TTC39C: variants seen among roughly 807,000 people sequenced by gnomAD.
TTC39C encodes tetratricopeptide repeat protein 39C.
TTC39C carries 33 observed loss-of-function variants against 76.3 expected under a neutral mutation model. That is an observed-to-expected ratio of 0.43 (90% CI 0.33 to 0.58). The LOEUF (loss-of-function observed/expected upper bound fraction) is 0.58. TTC39C is among the 20% of genes least tolerant of loss of function. The pLI, the probability that TTC39C is intolerant of heterozygous loss-of-function variation, is 0.04. For synonymous variants in TTC39C, 254 were observed against 260.6 expected (o/e 0.97, Z 0.24); for missense variants, 595 against 701.4 (o/e 0.85, Z 1.71).
chr18:24,089,680 A>G (rs539403788), intron 6 of TTC39C, among the ~76,000 whole-genome samples: 1 of 152,280 alleles, frequency 6.6e-6, no homozygotes, highest in African/African-American at 2.4e-5. Context: ...TTATATCCCT[A>G]AGCTTATTAT....
At position 24,016,563 on chromosome 18, in the gene TTC39C, T is replaced by C. The variant is rs2083456820; in HGVS notation, c.167+1525T>C. Reference sequence around the variant, plus strand: ...AAGTCTCCTGTGATATTTATTTTAATGGTCTTTTTTAACCCTTCTTTAGTA... The same window carrying C: ...AAGTCTCCTGTGATATTTATTTTAACGGTCTTTTTTAACCCTTCTTTAGTA... On this transcript the variant is annotated intron_variant, in intron 1 of 13. Transcript: ENST00000317571. 7 of 397,096 alleles carry C rather than the reference T, an allele frequency of 1.8e-5. No individual in the cohort carries two copies. The South Asian group carries it at 9.5e-4, about 54-fold the overall frequency. 24.6% of individuals were successfully genotyped at this position (397,096 alleles called of 1,614,324 possible).
Position 24,134,257 on chromosome 18 carries a change from G to GTTGTTTTTTTTTTTTTTTTTT in TTC39C, c.*1685_*1686insGTTTTTTTTTTTTTTTTTTTT, listed in dbSNP as rs1555779358. 1.2e-4 allele frequency: 6 copies of GTTGTTTTTTTTTTTTTTTTTT among 48,688 alleles called. 3 individuals carry two copies. Among genetic ancestry groups the GTTGTTTTTTTTTTTTTTTTTT allele is most frequent in the African/African-American group, 2.4e-4 (4 of 16,714 alleles). The allele number at this position is 48,688 out of a possible 1,614,324, so 3.0% of individuals were successfully genotyped here. ...TGGTGCCCAAAAATATTGGACATCT[G>GTTGTTTTTTTTTTTTTTTTTT]TTTTTTGTTTTTTTTTTTTTTTTTT... On this transcript the variant is annotated 3_prime_UTR_variant, in exon 14 of 14. Transcript: ENST00000317571.
intron 6 of TTC39C, among the ~76,000 whole-genome samples, chr18:24,105,398 A>G (rs2084734168): frequency 6.6e-6 from 1 of 152,232 alleles, no homozygotes; most frequent in South Asian, 2.1e-4. Context: ...ATGGCTGATC[A>G]TCGGGTATTT....
intron 1 of TTC39C, among the ~76,000 whole-genome samples, chr18:24,017,773 C>CT: frequency 6.6e-6 from 1 of 152,308 alleles, no homozygotes; most frequent in East Asian, 1.9e-4. Context: ...TCTCTGTCTC[C>CT]TTTTTTAATG....
intron 8 of TTC39C, among the ~76,000 whole-genome samples, chr18:24,122,412 G>A (rs2084978523): frequency 7.3e-6 from 1 of 136,326 alleles, no homozygotes; most frequent in East Asian, 2.3e-4. Context: ...TGAGGCAGGA[G>A]AATTGCTTGA....
chr18:24,084,929 T>C (rs1270434663), intron 6 of TTC39C, among the ~76,000 whole-genome samples: 1 of 152,206 alleles, frequency 6.6e-6, no homozygotes, highest in Middle Eastern at 3.2e-3. Context: ...CCTCCCAAAG[T>C]GCTGAGATTA....
intron 1 of TTC39C, among the ~76,000 whole-genome samples, chr18:24,063,516 T>TA (rs1299992375): frequency 6.7e-6 from 1 of 148,348 alleles, no homozygotes; most frequent in Non-Finnish European, 1.5e-5. Flanking sequence ...GTTTCTACCT[T>TA]TTTTTTTTTT....
chr18:24,018,801 TG>T (rs2083486020), intron 1 of TTC39C, among the ~76,000 whole-genome samples: 1 of 152,040 alleles, frequency 6.6e-6, no homozygotes, highest in African/African-American at 2.4e-5. Flanking sequence ...AGACATGAAA[TG>T]ACATTGGGAA....
intron 1 of TTC39C, among the ~76,000 whole-genome samples, chr18:24,051,706 C>G (rs2083951460): frequency 6.6e-6 from 1 of 152,196 alleles, no homozygotes; most frequent in Admixed American, 6.5e-5. Context: ...GTGAATTTCC[C>G]CACAGCTATC....
At chr18:24,065,299 A>G (rs117282162) in intron 2 of TTC39C, among the ~76,000 whole-genome samples, 4,618 of 152,342 alleles carry the variant, frequency 0.03, 102 homozygotes, top group Admixed American at 0.067. Flanking sequence ...CAGTAGGTTC[A>G]TCAGGTCCTT....
At chr18:24,096,530 C>T (rs977761276) in intron 6 of TTC39C, among the ~76,000 whole-genome samples, 8 of 152,064 alleles carry the variant, frequency 5.3e-5, no homozygotes, top group African/African-American at 1.7e-4. Context: ...AAATTGTAAA[C>T]GGATGTTTAA....
intron 1 of TTC39C, among the ~76,000 whole-genome samples, chr18:24,045,897 A>ATATATATATATATGTATATGTATATG (rs2083863793): frequency 4.8e-5 from 2 of 41,430 alleles, no homozygotes; most frequent in African/African-American, 1.3e-4. Context: ...GTGAAAATAT[A>ATATATATATATATGTATATGTATATG]TATATATATA....
At chr18:24,063,851 T>C (rs577741021) in intron 1 of TTC39C, among the ~76,000 whole-genome samples, 1 of 152,216 alleles carries the variant, frequency 6.6e-6, no homozygotes, top group East Asian at 1.9e-4. Context: ...GTCAACTCTT[T>C]AACAGCCACA....
At chr18:24,065,494 G>A (rs1412647125) in intron 2 of TTC39C, among the ~76,000 whole-genome samples, 1 of 152,174 alleles carries the variant, frequency 6.6e-6, no homozygotes, top group African/African-American at 2.4e-5. Context: ...AAGCTGTCAT[G>A]GAATTTTTAA....
At chr18:24,001,267 C>A (rs2083308707) in intron 1 of TTC39C, among the ~76,000 whole-genome samples, 2 of 152,200 alleles carry the variant, frequency 1.3e-5, no homozygotes, top group Admixed American at 1.3e-4. Flanking sequence ...CTTACCTGCC[C>A]AGGCCCCAGG....
At chr18:24,002,402 A>T (rs949829397) in intron 1 of TTC39C, among the ~76,000 whole-genome samples, 2 of 152,214 alleles carry the variant, frequency 1.3e-5, no homozygotes, top group South Asian at 4.1e-4. Flanking sequence ...ATCTCTAGTG[A>T]TGGTTACTTG....
At chr18:24,015,700 CA>C (rs1256632486) in intron 1 of TTC39C, among the ~76,000 whole-genome samples, 4 of 152,160 alleles carry the variant, frequency 2.6e-5, no homozygotes, top group African/African-American at 9.6e-5. Flanking sequence ...AGAATTTTTC[CA>C]ACGTAAATAA....
chr18:24,000,166 C>T (rs546096664), intron 1 of TTC39C, among the ~76,000 whole-genome samples: 1 of 152,162 alleles, frequency 6.6e-6, no homozygotes, highest in African/African-American at 2.4e-5. Context: ...ACTGCTCCCC[C>T]CAACCCCCAA....
At chr18:24,013,987 GGCCT>G (rs1464935256), upstream of TTC39C, among the ~76,000 whole-genome samples, 9 of 152,282 alleles carry the variant, frequency 5.9e-5, no homozygotes, top group African/African-American at 2.2e-4. Flanking sequence ...ATGGCATATA[GGCCT>G]CCATTTCTCC....
Sources: gnomAD v4.1 joint callset for allele counts (sites outside exome capture counted in the v4.1 genomes callset) on GRCh38, gnomAD v4.1.1 for gene constraint, MANE v1.5 for transcripts, NCBI Gene and HGNC (gene_info 2026-07-23, HGNC 2026-07-21) for gene names.